MBP: variants seen among roughly 807,000 people sequenced by gnomAD.
The protein encoded by MBP is Golli-MBP.
MBP carries 16 observed loss-of-function variants against 35.8 expected under a neutral mutation model. That is an observed-to-expected ratio of 0.45 (90% CI 0.30 to 0.68). The LOEUF is 0.68. Ranked by LOEUF, MBP falls within the 30% of genes least tolerant of loss-of-function variation. The probability of loss-of-function intolerance (pLI) is 0.08; values close to 1 mark genes in which losing one functional copy is unlikely to be tolerated. For missense variants in MBP, 380 were observed against 404.7 expected, an observed-to-expected ratio of 0.94 and a Z score of 0.52; for synonymous variants, 143 against 159.6, an observed-to-expected ratio of 0.90 and a Z score of 0.78.
intron 3 of MBP, among the ~76,000 whole-genome samples, chr18:77,028,135 C>A (rs1405366679): frequency 1.3e-5 from 2 of 148,446 alleles, no homozygotes; most frequent in Non-Finnish European, 3.0e-5. Context: ...GAGGACCCTG[C>A]GGCCTTCCGC....
chr18:77,088,791 C>G (rs1218826536), intron 2 of MBP, among the ~76,000 whole-genome samples: 1 of 152,186 alleles, frequency 6.6e-6, no homozygotes, highest in Non-Finnish European at 1.5e-5. Context: ...CCCTTTTCCC[C>G]CAAAAATAAT....
Position 77,013,920 on chromosome 18 carries a change from G to A in MBP, c.576+2912C>T, listed in dbSNP as rs774282439. Reference sequence around the variant, plus strand: ...AGGCTCTGCCTCGTGACACTCAAGTGGCCTCAGATATGAGCACTGGCACAG... The same window carrying A: ...AGGCTCTGCCTCGTGACACTCAAGTAGCCTCAGATATGAGCACTGGCACAG... On this transcript the variant is annotated intron_variant, in intron 4 of 8. Transcript: ENST00000355994. 1.3e-3 allele frequency: 1,283 copies of A among 985,278 alleles called. 3 individuals are homozygous for A. The highest frequency in any genetic ancestry group is 1.5e-3 in the Non-Finnish European group (1,222 of 829,944). 61.0% of individuals were successfully genotyped at this position (985,278 alleles called of 1,614,324 possible).
chr18:77,055,801 G>A (rs1973696133), intron 3 of MBP, among the ~76,000 whole-genome samples: 1 of 152,170 alleles, frequency 6.6e-6, no homozygotes, highest in Non-Finnish European at 1.5e-5. Flanking sequence ...TCACACTGGA[G>A]AGTTCAACCC....
chr18:77,063,742 C>G (rs1423390990), intron 3 of MBP, among the ~76,000 whole-genome samples: 1 of 152,158 alleles, frequency 6.6e-6, no homozygotes. Context: ...TAGGTAATAA[C>G]TCTCTAAACT....
intron 3 of MBP, among the ~76,000 whole-genome samples, chr18:77,060,203 A>G (rs1049998847): frequency 2.0e-5 from 3 of 152,208 alleles, no homozygotes; most frequent in African/African-American, 7.2e-5. Flanking sequence ...CACCTCCAGT[A>G]TATGGCACGG....
intron 8 of MBP, chr18:76,981,050 A>G (rs1180804260): frequency 6.5e-6 from 1 of 154,212 alleles, no homozygotes; most frequent in Admixed American, 6.4e-5. Flanking sequence ...AAAACCATGC[A>G]TTTACACGTT....
intron 7 of MBP, chr18:76,985,743 C>G (rs1430548602): frequency 1.0e-6 from 1 of 1,003,926 alleles, no homozygotes; most frequent in African/African-American, 1.7e-5. Flanking sequence ...AGGAACCTCT[C>G]TGAGCTTCAG....
Position 76,988,282 on chromosome 18 carries a change from A to C in MBP, c.750+213T>G, listed in dbSNP as rs1969677304. ...CCTTGCAGGGCTGGGTCCCCGGCAC[A>C]GAAGCAAGAGACCAGACCTTCCGGA... On this transcript the variant is annotated intron_variant, in intron 7 of 8. Coordinates refer to ENST00000355994, the MANE Select transcript of MBP (RefSeq NM_001025101.2). The surrounding 1 kb of genome is among the most constrained non-coding windows in gnomAD (Gnocchi z 5.2). 1.9e-6 allele frequency: 3 copies of C among 1,552,142 alleles called. No homozygotes were observed. Among genetic ancestry groups the C allele is most frequent in the Admixed American group, 2.0e-5 (1 of 51,066 alleles).
At chr18:77,003,020 A>G (rs1970721610) in intron 4 of MBP, 1 of 152,254 alleles carries the variant, frequency 6.6e-6, no homozygotes, top group African/African-American at 2.4e-5. Flanking sequence ...GGAAGCTTCA[A>G]TTGCTGCTGT....
At chr18:77,017,436 C>A in intron 3 of MBP, 168 bp from the exon 4 acceptor site, 1 of 470,278 alleles carries the variant, frequency 2.1e-6, no homozygotes, top group Non-Finnish European at 3.5e-6. Flanking sequence ...GATGGAGCAG[C>A]CTTATTGCAG....
Position 76,988,733 on chromosome 18 carries a change from T to G in MBP, c.717+144A>C, listed in dbSNP as rs905798645. 10 of 1,314,144 alleles carry G rather than the reference T, an allele frequency of 7.6e-6. No individual in the cohort carries two copies. Among genetic ancestry groups the G allele is most frequent in the Non-Finnish European group, 1.1e-5 (10 of 946,464 alleles). The allele number at this position is 1,314,144 out of a possible 1,614,324, so 81.4% of individuals were successfully genotyped here. A position where few individuals can be genotyped will look rare whatever the true frequency, so the allele number is the denominator to read the frequency against. ...GGAGGGGTGCATGGATCTGCCGACC[T>G]GTTCTACTTGGGAGCTGCCTGGCAA... On this transcript the variant is annotated intron_variant, in intron 6 of 8. Transcript: ENST00000355994. This position sits in a 1 kb window ranked among gnomAD's most constrained non-coding sequence, Gnocchi z 5.2.
At chr18:76,993,396 C>CA (rs1471507255) in intron 4 of MBP, among the ~76,000 whole-genome samples, 1 of 151,788 alleles carries the variant, frequency 6.6e-6, no homozygotes, top group Admixed American at 6.6e-5. Context: ...TACTAAAATA[C>CA]AAAAAATTAG....
rs3813079 is a variant in MBP at position 77,101,215 on chromosome 18, G to A, written c.51+3996C>T. 0.61 allele frequency among the ~76,000 whole-genome samples: 93,166 copies of A among 152,164 alleles called. 31,308 individuals are homozygous for A. The highest frequency in any genetic ancestry group is 0.84 in the East Asian group (4,348 of 5,178). The stretch of plus-strand genomic sequence containing the variant: ...TGCCCCTCTCCTGGCATTGAGGCAC[G>A]TCCCTGGGTTCTCCAGGGCAGCTGG... On this transcript the variant is annotated intron_variant, in intron 2 of 8. Coordinates refer to ENST00000355994, the MANE Select transcript of MBP (RefSeq NM_001025101.2). This position sits in a 1 kb window ranked among gnomAD's most constrained non-coding sequence, Gnocchi z 4.3.
intron 3 of MBP, among the ~76,000 whole-genome samples, chr18:77,051,301 C>A (rs551270316): frequency 8.9e-4 from 136 of 152,274 alleles, no homozygotes; most frequent in African/African-American, 2.8e-3. Flanking sequence ...CACTTGCGGG[C>A]GAATGACGCG....
chr18:77,092,272 C>T (rs1277893702), intron 2 of MBP, among the ~76,000 whole-genome samples: 1 of 152,228 alleles, frequency 6.6e-6, no homozygotes, highest in African/African-American at 2.4e-5. Context: ...AGCAGCTCCC[C>T]GTCGGGCTGC....
At chr18:77,092,671 C>T (rs898798689) in intron 2 of MBP, among the ~76,000 whole-genome samples, 3 of 152,084 alleles carry the variant, frequency 2.0e-5, no homozygotes, top group African/African-American at 7.2e-5. Context: ...AAGTTACAGA[C>T]GCAGGGTGCA....
intron 2 of MBP, among the ~76,000 whole-genome samples, chr18:77,090,037 C>T (rs1398014767): frequency 2.0e-5 from 3 of 152,180 alleles, no homozygotes; most frequent in African/African-American, 7.2e-5. Context: ...TGCAGCTTTG[C>T]AGGTGCAGGT....
intron 7 of MBP, chr18:76,987,673 CG>C: frequency 6.1e-6 from 6 of 990,374 alleles, no homozygotes; most frequent in Non-Finnish European, 7.2e-6. Context: ...ATTGCAGTTT[CG>C]GAGACAGACA....
At chr18:76,986,198 C>A in intron 7 of MBP, 6 of 985,552 alleles carry the variant, frequency 6.1e-6, no homozygotes, top group Non-Finnish European at 7.2e-6. Flanking sequence ...ACTCAATGGA[C>A]AGGGTCCAGA....
Sources: gnomAD v4.1 joint callset for allele counts (sites outside exome capture counted in the v4.1 genomes callset) on GRCh38, gnomAD v4.1.1 for gene constraint, Gnocchi (gnomAD v3.1) non-coding constraint, MANE v1.5 for transcripts, NCBI Gene and HGNC (gene_info 2026-07-23, HGNC 2026-07-21) for gene names.